Variants in CDK19 observed in about 807,000 individuals in gnomAD.
CDK19 encodes cyclin-dependent kinase 19.
CDK19 carries 20 observed loss-of-function variants against 68.3 expected under a neutral mutation model. The observed-to-expected ratio is 0.29, with a 90% confidence interval of 0.21 to 0.43. CDK19 has a LOEUF of 0.43. Ranked by LOEUF, CDK19 falls within the 20% of genes least tolerant of loss-of-function variation. The pLI is 1.00. For synonymous variants in CDK19, 221 were observed against 222.8 expected (o/e 0.99, Z 0.07); for missense variants, 339 against 623.5 (o/e 0.54, Z 4.86).
chr6:110,782,231 A>C (rs1478346256), intron 1 of CDK19, among the ~76,000 whole-genome samples: 3 of 152,202 alleles, frequency 2.0e-5, no homozygotes, highest in African/African-American at 7.2e-5. Flanking sequence ...GCTAGCAACA[A>C]CTGCTATTTG....
chr6:110,617,674 C>T (rs1404258278), intron 12 of CDK19, among the ~76,000 whole-genome samples: 2,450 of 131,634 alleles, frequency 0.019, 89 homozygotes, highest in African/African-American at 0.059. Context: ...CACACACACA[C>T]ACACACACAC....
rs1582917876 is a variant in CDK19 at position 110,710,027 on chromosome 6, C to T, written c.204+36099G>A. On this transcript the variant is annotated intron_variant, in intron 2 of 12. Coordinates refer to ENST00000368911, the MANE Select transcript of CDK19 (RefSeq NM_015076.5). ...AATTATAATTTCATACTCAAACTCC[C>T]TCTTTTCAGTCAATAAAATATATAC... is the stretch of plus-strand genomic sequence containing the variant. Among the ~76,000 whole-genome samples, 4 of 152,252 alleles carry T rather than the reference C, an allele frequency of 2.6e-5. 1 individual carries two copies. In the East Asian group the frequency reaches 5.8e-4, roughly 22 times the overall value.
chr6:110,650,337 G>A lies in CDK19; in HGVS notation c.457-11631C>T, dbSNP rs903985451. ...GAAACATAAACATAAGCATGCTACTGGTAATCTTCCACTTACTGGGTAAGT... is the reference window on the plus strand; with the variant it reads ...GAAACATAAACATAAGCATGCTACTAGTAATCTTCCACTTACTGGGTAAGT... On this transcript the variant is annotated intron_variant, in intron 4 of 12. Transcript: ENST00000368911. Among the ~76,000 whole-genome samples the A allele has an allele frequency of 5.3e-5, 8 of 152,270 alleles. No individual in the cohort carries two copies. The East Asian group carries it at 9.7e-4, about 18-fold the overall frequency.
intron 4 of CDK19, among the ~76,000 whole-genome samples, chr6:110,667,183 ATCATTTGTTCAAAATCACACT>A (rs1781997309): frequency 6.6e-6 from 1 of 152,202 alleles, no homozygotes. Flanking sequence ...TTGTACAGTA[ATCATTTGTTCAAAATCACACT>A]GATATTTTAC....
At chr6:110,723,654 A>G (rs984787310) in intron 2 of CDK19, among the ~76,000 whole-genome samples, 1 of 152,206 alleles carries the variant, frequency 6.6e-6, no homozygotes, top group African/African-American at 2.4e-5. Context: ...TCTAAATAAA[A>G]CAAACTTACA....
chr6:110,746,527 C>T (rs1778089300), intron 1 of CDK19, among the ~76,000 whole-genome samples: 1 of 152,150 alleles, frequency 6.6e-6, no homozygotes. Flanking sequence ...AATTCCACTC[C>T]TGTCTTAATT....
chr6:110,641,865 G>T (rs1024106874), intron 4 of CDK19, among the ~76,000 whole-genome samples: 1 of 152,154 alleles, frequency 6.6e-6, no homozygotes, highest in African/African-American at 2.4e-5. Context: ...AGAGTTTTCA[G>T]GCTCATGGAA....
At chr6:110,708,604 TAA>T in intron 2 of CDK19, among the ~76,000 whole-genome samples, 1 of 152,224 alleles carries the variant, frequency 6.6e-6, no homozygotes, top group Non-Finnish European at 1.5e-5. Context: ...GTGTGCTGGC[TAA>T]CAATGGGCAG....
At chr6:110,635,494 G>A (rs1239389943) in intron 5 of CDK19, among the ~76,000 whole-genome samples, 3 of 152,126 alleles carry the variant, frequency 2.0e-5, no homozygotes, top group African/African-American at 7.2e-5. Context: ...ATACAGCAAA[G>A]GGCAAAATGT....
At chr6:110,709,517 A>G (rs1774779562) in intron 2 of CDK19, among the ~76,000 whole-genome samples, 1 of 152,130 alleles carries the variant, frequency 6.6e-6, no homozygotes, top group African/African-American at 2.4e-5. Flanking sequence ...AAAAAAAAAA[A>G]AAAAGAAAGG....
At chr6:110,791,064 G>T (rs538130554) in intron 1 of CDK19, among the ~76,000 whole-genome samples, 1 of 152,142 alleles carries the variant, frequency 6.6e-6, no homozygotes, top group East Asian at 1.9e-4. Flanking sequence ...CCAGCTTCTT[G>T]GGAGGCTGAG....
intron 2 of CDK19, among the ~76,000 whole-genome samples, chr6:110,740,302 C>T (rs937391403): frequency 6.6e-6 from 1 of 152,150 alleles, no homozygotes; most frequent in Non-Finnish European, 1.5e-5. Context: ...ACAGAGGCCA[C>T]AAATGTAATA....
chr6:110,812,765 G>A (rs1783200735), intron 1 of CDK19, among the ~76,000 whole-genome samples: 1 of 149,284 alleles, frequency 6.7e-6, no homozygotes, highest in South Asian at 2.1e-4. Context: ...ACCATGATCG[G>A]AGTGTAAAAT....
chr6:110,781,034 C>T (rs1262324601), intron 1 of CDK19, among the ~76,000 whole-genome samples: 3 of 152,070 alleles, frequency 2.0e-5, no homozygotes, highest in Non-Finnish European at 4.4e-5. Flanking sequence ...TCTTGATTAA[C>T]CATCCAAAAA....
intron 1 of CDK19, among the ~76,000 whole-genome samples, chr6:110,771,868 C>T (rs802668): frequency 0.16 from 23,806 of 152,224 alleles, 2,076 homozygotes; most frequent in East Asian, 0.32. Context: ...AGTCTCTTTG[C>T]TAAAACATAA....
intron 2 of CDK19, among the ~76,000 whole-genome samples, chr6:110,730,426 T>C (rs1198345814): frequency 6.6e-6 from 1 of 152,198 alleles, no homozygotes. Context: ...ACAACAAAGT[T>C]ATACTTGTGG....
chr6:110,624,686 A>C (rs1411892125), intron 8 of CDK19, among the ~76,000 whole-genome samples: 1 of 152,206 alleles, frequency 6.6e-6, no homozygotes, highest in Non-Finnish European at 1.5e-5. Flanking sequence ...TTTGTCAAAT[A>C]ATCTTCAAAC....
At chr6:110,700,085 G>A (rs954311182) in intron 2 of CDK19, among the ~76,000 whole-genome samples, 1 of 152,134 alleles carries the variant, frequency 6.6e-6, no homozygotes, top group Non-Finnish European at 1.5e-5. Flanking sequence ...ATAGGACCAC[G>A]AACCCCATTA....
intron 2 of CDK19, among the ~76,000 whole-genome samples, chr6:110,680,179 A>T (rs1771889725): frequency 6.6e-6 from 1 of 152,218 alleles, no homozygotes; most frequent in Admixed American, 6.5e-5. Flanking sequence ...TTAAATTAGC[A>T]CCTACTCTAC....
Sources: allele counts gnomAD v4.1 joint callset (sites outside exome capture counted in the v4.1 genomes callset), GRCh38; gene constraint gnomAD v4.1.1; transcripts MANE v1.5; gene names NCBI Gene and HGNC (gene_info 2026-07-23, HGNC 2026-07-21).